ABCC5: variants seen among roughly 807,000 people sequenced by gnomAD.
ABCC5 encodes ATP binding cassette subfamily C member 5, also known as ATP-binding cassette sub-family C member 5.
Under a neutral mutation model 160.9 loss-of-function variants are expected in ABCC5, and 61 were observed. The ratio of observed to expected loss-of-function variants is 0.38; its 90% CI spans 0.31 to 0.47. ABCC5 has a LOEUF of 0.47. Ranked by LOEUF, ABCC5 falls within the 20% of genes least tolerant of loss-of-function variation. ABCC5 has a pLI of 0.99. For synonymous variants in ABCC5, 666 were observed against 700.6 expected, an observed-to-expected ratio of 0.95 and a Z score of 0.78; for missense variants, 1,308 against 1,813.3, an observed-to-expected ratio of 0.72 and a Z score of 5.06.
At position 183,925,843 on chromosome 3, in the gene ABCC5, T is replaced by TC. The variant is rs1415811347; in HGVS notation, c.4048-125_4048-124insG. ...TATCTATTGTTTTCTTTTCTTTCTT[T>TC]TTTTTTTTTTTTTGAGACGGAGTCT... On this transcript the variant is annotated intron_variant, in intron 28 of 29. Coordinates refer to ENST00000334444, the MANE Select transcript of ABCC5 (RefSeq NM_005688.4). The TC allele has an allele frequency of 1.1e-5, 9 of 821,912 alleles. No homozygotes were observed. The African/African-American group carries it at 1.4e-4, about 13-fold the overall frequency. 50.9% of individuals were successfully genotyped at this position (821,912 alleles called of 1,614,324 possible). A position where few individuals can be genotyped will look rare whatever the true frequency, so the allele number is the denominator to read the frequency against.
intron 2 of ABCC5, among the ~76,000 whole-genome samples, chr3:184,010,216 G>T (rs1414361354): frequency 7.4e-6 from 1 of 134,506 alleles, no homozygotes; most frequent in East Asian, 2.4e-4. Context: ...GCAGTGAGCT[G>T]AGATTGCACC....
chr3:183,949,998 G>A lies in ABCC5; in HGVS notation c.3072C>T (p.Leu1024=). Residue 1024 remains leucine, a synonymous_variant, in exon 21 of 30, where the codon CTC becomes CTT. Transcript: ENST00000334444. The surrounding 1 kb of genome is among the most constrained non-coding windows in gnomAD (Gnocchi z 4.2). ...FLVAVGPLVI[L]FSVLHIVSRV... The stretch of plus-strand genomic sequence containing the variant: ...TGGAGACAATGTGCAGGACTGAAAA[G>A]AGGATGACAAGGGGCCCCACTGCCA... The A allele has an allele frequency of 1.9e-6, 3 of 1,614,142 alleles. No homozygotes were observed. Among genetic ancestry groups the A allele is most frequent in the Non-Finnish European group, 2.5e-6 (3 of 1,180,032 alleles).
intron 24 of ABCC5, among the ~76,000 whole-genome samples, chr3:183,943,379 T>C (rs1192618655): frequency 6.6e-6 from 1 of 152,244 alleles, no homozygotes; most frequent in Non-Finnish European, 1.5e-5. Context: ...CATTCTGGCA[T>C]GTCTTGGTCA....
At chr3:183,922,842 G>A (rs1259205089) in intron 29 of ABCC5, among the ~76,000 whole-genome samples, 4 of 152,214 alleles carry the variant, frequency 2.6e-5, no homozygotes, top group African/African-American at 4.8e-5. Context: ...CTTTGGACAC[G>A]TGTCCTTCCT....
chr3:183,960,932 C>T (rs1037341650), intron 16 of ABCC5, among the ~76,000 whole-genome samples: 13 of 151,948 alleles, frequency 8.6e-5, no homozygotes, highest in Admixed American at 1.3e-4. Flanking sequence ...ATTACAGGCG[C>T]CTGCCACCAC....
rs1714203365 is a variant in ABCC5, at chr3:183,940,462, G to GAAGA, written c.3694+2264_3694+2265insTCTT. Among the ~76,000 whole-genome samples, 7 of 64,618 alleles carry GAAGA rather than the reference G, an allele frequency of 1.1e-4. 1 individual carries two copies. The highest frequency in any genetic ancestry group is 5.5e-4 in the Admixed American group (3 of 5,412). The allele number at this position is 64,618 out of a possible 152,430, so 42.4% of individuals were successfully genotyped here. A position where few individuals can be genotyped will look rare whatever the true frequency, so the allele number is the denominator to read the frequency against. On this transcript the variant is annotated intron_variant, in intron 25 of 29. Coordinates refer to ENST00000334444, the MANE Select transcript of ABCC5 (RefSeq NM_005688.4). ...GCAACAGACTGAGACTCTGTCTCAG[G>GAAGA]AAAAAAAAAAAAAAAAAAAAAAAAA...
In ABCC5 at chr3:183,972,454, C is replaced by T. The variant is rs777127304; in HGVS notation, c.1405-535G>A. Among the ~76,000 whole-genome samples the T allele has an allele frequency of 3.3e-5, 5 of 152,104 alleles. No individual in the cohort carries two copies. In the East Asian group the frequency reaches 7.7e-4, roughly 23 times the overall value. ...AAAGAGTATCTAAAGTTTCATCTAC[C>T]GCAGAGAACATCTTCTTGCCAAGAA... On this transcript the variant is annotated intron_variant, in intron 10 of 29. Transcript: ENST00000334444.
chr3:183,997,822 A>C (rs1354665911), intron 2 of ABCC5, among the ~76,000 whole-genome samples: 1 of 152,096 alleles, frequency 6.6e-6, no homozygotes, highest in African/African-American at 2.4e-5. Flanking sequence ...TTGCTCTGTC[A>C]CCCAGGCTGG....
chr3:183,989,176 A>C (rs777370108), intron 3 of ABCC5, 50 bp downstream of exon 3: 10 of 1,298,688 alleles, frequency 7.7e-6, no homozygotes, highest in East Asian at 5.7e-5. Context: ...AAAAAAAAAA[A>C]AAAAAAGGCC....
intron 2 of ABCC5, among the ~76,000 whole-genome samples, chr3:184,008,555 A>G (rs1458997799): frequency 6.6e-6 from 1 of 152,392 alleles, no homozygotes; most frequent in Non-Finnish European, 1.5e-5. Context: ...GTGTGGCCAC[A>G]AGCATTAACA....
chr3:183,977,567 A>G lies in ABCC5; in HGVS notation c.1354T>C (p.Phe452Leu), dbSNP rs1451196246. Reference sequence around the variant, plus strand: ...GCTTCTGAGAGGGACTTTACTGAAAACGGTGTTACTTTCAAAGCAAAAGTC... The same window carrying G: ...GCTTCTGAGAGGGACTTTACTGAAAGCGGTGTTACTTTCAAAGCAAAAGTC... ...SMTFALKVTP[F>L]SVKSLSEASV... The change falls in exon 10 of 30, where the codon TTT becomes CTT. Residue 452 changes from phenylalanine (F) to leucine (L), a missense_variant. By Grantham distance (22) the Phe-to-Leu change is conservative. Transcript: ENST00000334444. The G allele has an allele frequency of 1.2e-6, 2 of 1,614,090 alleles. No homozygotes were observed. Among genetic ancestry groups the G allele is most frequent in the South Asian group, 2.2e-5 (2 of 91,074 alleles).
At chr3:183,979,753 A>AT (rs1444121925) in intron 8 of ABCC5, among the ~76,000 whole-genome samples, 5 of 151,538 alleles carry the variant, frequency 3.3e-5, no homozygotes, top group Non-Finnish European at 5.9e-5. Flanking sequence ...GTTATGTTTT[A>AT]TTTTTTGTAG....
At chr3:183,927,911 T>C (rs1455309817) in intron 27 of ABCC5, 12 of 729,058 alleles carry the variant, frequency 1.6e-5, no homozygotes, top group Non-Finnish European at 3.4e-6. Flanking sequence ...CATCTACTAA[T>C]AGTTGAATTA....
At chr3:183,973,180 G>A (rs1197952112) in intron 10 of ABCC5, among the ~76,000 whole-genome samples, 1 of 148,126 alleles carries the variant, frequency 6.8e-6, no homozygotes, top group Non-Finnish European at 1.5e-5. Context: ...TCAGCTTCCC[G>A]AGTAGCTGGG....
chr3:183,951,383 A>G lies in ABCC5; in HGVS notation c.2944+58T>C. 6.3e-7 allele frequency: 1 copy of G among 1,591,956 alleles called. No homozygotes were observed. The highest frequency in any genetic ancestry group is 1.2e-5 in the South Asian group (1 of 86,920). On this transcript the variant is annotated intron_variant, in intron 20 of 29. Coordinates refer to ENST00000334444, the MANE Select transcript of ABCC5 (RefSeq NM_005688.4). This position sits in a 1 kb window ranked among gnomAD's most constrained non-coding sequence, Gnocchi z 4.7. ...GATCTGCACATTTGGAGAATCATCTAGAAGGCTGGAAGCACAGTGAGCTCC... is the reference window on the plus strand; with the variant it reads ...GATCTGCACATTTGGAGAATCATCTGGAAGGCTGGAAGCACAGTGAGCTCC...
intron 26 of ABCC5, among the ~76,000 whole-genome samples, chr3:183,934,052 T>A (rs1577464552): frequency 1.3e-5 from 2 of 152,310 alleles, no homozygotes; most frequent in South Asian, 4.1e-4. Flanking sequence ...ACACCTGTAA[T>A]CCCAGCACTT....
In ABCC5 at chr3:183,977,489, C is replaced by A; in HGVS notation, c.1404+28G>T. ...TTAGTTGTGTGGGGAGGGCTCCTGA[C>A]ACGGGGGCAGGGGAAGGAGCCACTT... On this transcript the variant is annotated intron_variant, in intron 10 of 29. Coordinates refer to ENST00000334444, the MANE Select transcript of ABCC5 (RefSeq NM_005688.4). 4 of 1,541,686 alleles carry A rather than the reference C, an allele frequency of 2.6e-6. No individual in the cohort carries two copies. The South Asian group carries it at 4.5e-5, about 17-fold the overall frequency.
chr3:183,956,198 T>A (rs13077104), intron 17 of ABCC5, among the ~76,000 whole-genome samples: 1 of 146,964 alleles, frequency 6.8e-6, no homozygotes, highest in Admixed American at 6.8e-5. Flanking sequence ...GTAAATCACA[T>A]CGGTTACATG....
chr3:183,983,831 A>C (rs775636089), intron 5 of ABCC5: 2 of 985,256 alleles, frequency 2.0e-6, no homozygotes, highest in Non-Finnish European at 1.2e-6. Flanking sequence ...AACACTGTAC[A>C]GCAGGTGAAG....
Sources: allele counts gnomAD v4.1 joint callset (sites outside exome capture counted in the v4.1 genomes callset), GRCh38; gene constraint gnomAD v4.1.1; non-coding constraint Gnocchi (gnomAD v3.1); transcripts MANE v1.5; gene names NCBI Gene and HGNC (gene_info 2026-07-23, HGNC 2026-07-21).